GRIP2: variants seen among roughly 807,000 people sequenced by gnomAD.
The protein encoded by GRIP2 is glutamate receptor-interacting protein 2.
GRIP2 carries 58 observed loss-of-function variants against 108.3 expected under a neutral mutation model. The ratio of observed to expected loss-of-function variants is 0.54; its 90% CI spans 0.43 to 0.67. The LOEUF is 0.67. GRIP2 is among the 30% of genes least tolerant of loss of function. GRIP2 has a pLI of 0.00. For synonymous variants in GRIP2, 586 were observed against 598.2 expected (o/e 0.98, Z 0.30); for missense variants, 1,278 against 1,430.6 (o/e 0.89, Z 1.72).
At chr3:14,540,414 C>T (rs529197650), upstream of GRIP2, 4 of 1,603,816 alleles carry the variant, frequency 2.5e-6, no homozygotes, top group Admixed American at 6.8e-5. The surrounding 1 kb of genome is among the most constrained non-coding windows in gnomAD (Gnocchi z 4.1). Context: ...GCTCACAGCT[C>T]CCACTGGCTG....
chr3:14,575,186 T>C, the GRIP2 span, among the ~76,000 whole-genome samples: 1 of 152,202 alleles, frequency 6.6e-6, no homozygotes. Context: ...GCGGCACCTC[T>C]ATGTTAAACT....
chr3:14,565,860 A>G, the GRIP2 span, among the ~76,000 whole-genome samples: 43 of 152,310 alleles, frequency 2.8e-4, no homozygotes, highest in African/African-American at 9.6e-4. Flanking sequence ...TCACCAGCAC[A>G]GCCCCCATCC....
rs546944550 is a variant in GRIP2, at chr3:14,517,403, T to C, written c.1157-190A>G. On this transcript the variant is annotated intron_variant, in intron 10 of 23. Coordinates refer to ENST00000621039, the MANE Select transcript of GRIP2 (RefSeq NM_001080423.4). ...GGTCTCAAAGACTGCAGGGTTTCCATAGACCCTGTGAAACTCAGCTATTAG... is the reference window on the plus strand; with the variant it reads ...GGTCTCAAAGACTGCAGGGTTTCCACAGACCCTGTGAAACTCAGCTATTAG... 3.3e-5 allele frequency among the ~76,000 whole-genome samples: 5 copies of C among 150,060 alleles called. No individual in the cohort carries two copies. The South Asian group carries it at 1.1e-3, about 32-fold the overall frequency.
At chr3:14,540,602 A>G (rs923837821), upstream of GRIP2, among the ~76,000 whole-genome samples, 7 of 151,964 alleles carry the variant, frequency 4.6e-5, no homozygotes, top group African/African-American at 1.2e-4. This position sits in a 1 kb window ranked among gnomAD's most constrained non-coding sequence, Gnocchi z 4.1. Flanking sequence ...GCAGAGAGAG[A>G]GCCTGCTTCT....
In GRIP2 at chr3:14,491,627, G is replaced by GA. The variant is rs79838436; in HGVS notation, c.*2037_*2038insT. The GA allele has an allele frequency of 0.45, 67,786 of 152,186 alleles. 15,611 individuals carry two copies. Among genetic ancestry groups the GA allele is most frequent in the South Asian group, 0.65 (3,141 of 4,828 alleles). The allele number at this position is 152,186 out of a possible 1,614,324, so 9.4% of individuals were successfully genotyped here. A position where few individuals can be genotyped will look rare whatever the true frequency, so the allele number is the denominator to read the frequency against. On this transcript the variant is annotated 3_prime_UTR_variant, in exon 24 of 24. Transcript: ENST00000621039. ...GCAGAGGCCTCAGCCCGAGGAGGGAGGGGGGTATTAGTTAGAGTCGGGTGC... is the reference window on the plus strand; with the variant it reads ...GCAGAGGCCTCAGCCCGAGGAGGGAGAGGGGGTATTAGTTAGAGTCGGGTGC...
At chr3:14,569,091 G>A in the GRIP2 span, among the ~76,000 whole-genome samples, 7 of 152,202 alleles carry the variant, frequency 4.6e-5, 1 homozygote, top group Admixed American at 3.3e-4. Context: ...GGGTTGCAGT[G>A]CCAGCCTTCC....
At chr3:14,597,824 A>G in the GRIP2 span, among the ~76,000 whole-genome samples, 214 of 152,296 alleles carry the variant, frequency 1.4e-3, no homozygotes, top group Middle Eastern at 3.4e-3. Context: ...TGCTGACATC[A>G]TGATCCATGG....
chr3:14,508,631 G>A (rs1197347274), intron 17 of GRIP2, among the ~76,000 whole-genome samples: 1 of 152,100 alleles, frequency 6.6e-6, no homozygotes, highest in Non-Finnish European at 1.5e-5. Flanking sequence ...GGGGACCAGA[G>A]CTGTAGTGTC....
In GRIP2 at chr3:14,490,914, T is replaced by A. The variant is rs1701321742; in HGVS notation, c.*2751A>T. On this transcript the variant is annotated 3_prime_UTR_variant, in exon 24 of 24. Transcript: ENST00000621039. Reference sequence around the variant, plus strand: ...TCCCTCTATCCCGTTACTCCCTTGTTTTCTTTGTTGCACTTGATGCCTTTT... The same window carrying A: ...TCCCTCTATCCCGTTACTCCCTTGTATTCTTTGTTGCACTTGATGCCTTTT... 1 of 152,270 alleles carries A rather than the reference T, an allele frequency of 6.6e-6. No homozygotes were observed. Among genetic ancestry groups the A allele is most frequent in the African/African-American group, 2.4e-5 (1 of 41,468 alleles). 9.4% of individuals were successfully genotyped at this position (152,270 alleles called of 1,614,324 possible).
At chr3:14,573,724 C>G in the GRIP2 span, 1 of 1,440,684 alleles carries the variant, frequency 6.9e-7, no homozygotes, top group African/African-American at 1.4e-5. Context: ...TCTGGCCACT[C>G]ACGGGGGTCC....
chr3:14,602,852 C>T, the GRIP2 span, among the ~76,000 whole-genome samples: 3 of 151,428 alleles, frequency 2.0e-5, no homozygotes, highest in Admixed American at 6.6e-5. This position sits in a 1 kb window ranked among gnomAD's most constrained non-coding sequence, Gnocchi z 4.7. Context: ...CGCCCCGGGC[C>T]AGCTCAGCTC....
At chr3:14,576,045 TC>T in the GRIP2 span, among the ~76,000 whole-genome samples, 1 of 152,198 alleles carries the variant, frequency 6.6e-6, no homozygotes, top group Admixed American at 6.5e-5. Flanking sequence ...CCTGTGGGGC[TC>T]AGGACTGTTG....
chr3:14,578,769 G>T, the GRIP2 span, among the ~76,000 whole-genome samples: 4 of 149,204 alleles, frequency 2.7e-5, no homozygotes, highest in African/African-American at 9.8e-5. Flanking sequence ...TCCCTTATTT[G>T]TCAGGTGAGT....
the GRIP2 span, among the ~76,000 whole-genome samples, chr3:14,586,028 G>A: frequency 1.3e-5 from 2 of 152,244 alleles, no homozygotes; most frequent in Non-Finnish European, 2.9e-5. Flanking sequence ...TTCACTCTCC[G>A]GCTTTCTCAC....
At chr3:14,585,117 C>A in the GRIP2 span, among the ~76,000 whole-genome samples, 1 of 152,202 alleles carries the variant, frequency 6.6e-6, no homozygotes, top group African/African-American at 2.4e-5. Flanking sequence ...CTTTGCCTCC[C>A]GGGTTCAAAC....
chr3:14,581,146 G>A, the GRIP2 span, among the ~76,000 whole-genome samples: 6 of 152,218 alleles, frequency 3.9e-5, no homozygotes, highest in African/African-American at 1.4e-4. Flanking sequence ...ATAGATGTTC[G>A]GATGGGTGGA....
At chr3:14,596,277 G>A in the GRIP2 span, among the ~76,000 whole-genome samples, 1 of 152,246 alleles carries the variant, frequency 6.6e-6, no homozygotes, top group African/African-American at 2.4e-5. Context: ...GAGTATCAGA[G>A]GCATCAAAGT....
In GRIP2 at chr3:14,521,598, G is replaced by A; in HGVS notation, c.712+44C>T. On this transcript the variant is annotated intron_variant, in intron 7 of 23. Transcript: ENST00000621039. The surrounding 1 kb of genome is among the most constrained non-coding windows in gnomAD (Gnocchi z 5.1). ...GCCACTGCCACCTCCCCCCATCCCAGGCCTCCTCCTGCCCCAACCCACACA... is the reference window on the plus strand; with the variant it reads ...GCCACTGCCACCTCCCCCCATCCCAAGCCTCCTCCTGCCCCAACCCACACA... 4 of 1,551,984 alleles carry A rather than the reference G, an allele frequency of 2.6e-6. No individual in the cohort carries two copies. Among genetic ancestry groups the A allele is most frequent in the South Asian group, 1.2e-5 (1 of 81,708 alleles).
At chr3:14,503,939 G>A (rs73031853) in intron 20 of GRIP2, 7,240 of 488,726 alleles carry the variant, frequency 0.015, 92 homozygotes, top group Non-Finnish European at 0.02. Flanking sequence ...GGTGGAGAGC[G>A]GTGACACAGG....
Sources: gnomAD v4.1 joint callset for allele counts (sites outside exome capture counted in the v4.1 genomes callset) on GRCh38, gnomAD v4.1.1 for gene constraint, Gnocchi (gnomAD v3.1) non-coding constraint, MANE v1.5 for transcripts, NCBI Gene and HGNC (gene_info 2026-07-23, HGNC 2026-07-21) for gene names.